Variants in PPFIA1 observed in about 807,000 individuals in gnomAD.
The protein encoded by PPFIA1 is liprin-alpha-1.
A neutral mutation model predicts 149.9 loss-of-function variants in PPFIA1; 25 were observed. The observed-to-expected ratio is 0.17, with a 90% CI of 0.12 to 0.23. The LOEUF is 0.23. Among genes scored for constraint, PPFIA1 ranks in the 10% least tolerant of loss-of-function variants. PPFIA1 has a pLI of 1.00. For missense variants in PPFIA1, 1,362 were observed against 1,506.5 expected (o/e 0.90, Z 1.59); for synonymous variants, 549 against 552.8 (o/e 0.99, Z 0.10).
At chr11:70,345,432 A>G (rs139941316) in intron 15 of PPFIA1, among the ~76,000 whole-genome samples, 352 of 152,202 alleles carry the variant, frequency 2.3e-3, no homozygotes, top group Non-Finnish European at 2.8e-3. Flanking sequence ...CACATGGAGC[A>G]TGTTCAGTGT....
rs984382077 is a variant in PPFIA1, at chr11:70,278,631, C to T, written c.264+6195C>T. 2.6e-5 allele frequency among the ~76,000 whole-genome samples: 4 copies of T among 152,144 alleles called. No homozygotes were observed. In the South Asian group the frequency reaches 8.3e-4, roughly 31 times the overall value. ...AATGTTTGTTACTATAACTCTCCAT[C>T]ACAATTAAAATCCAAACAGTTTTTT... On this transcript the variant is annotated intron_variant, in intron 2 of 27. Coordinates refer to ENST00000253925, the MANE Select transcript of PPFIA1 (RefSeq NM_003626.5).
At chr11:70,324,587 C>T (rs1179459029) in intron 3 of PPFIA1, 84 bp downstream of exon 3, 3 of 1,174,502 alleles carry the variant, frequency 2.6e-6, no homozygotes, top group Non-Finnish European at 3.7e-6. Flanking sequence ...AAGGACGACC[C>T]ACTCTGTCTG....
chr11:70,315,736 T>C (rs1487587305), intron 2 of PPFIA1, among the ~76,000 whole-genome samples: 1 of 133,350 alleles, frequency 7.5e-6, no homozygotes, highest in African/African-American at 2.8e-5. Context: ...AAAAATACCA[T>C]CATAACCATT....
At chr11:70,309,379 A>G (rs2053104724) in intron 2 of PPFIA1, among the ~76,000 whole-genome samples, 1 of 152,054 alleles carries the variant, frequency 6.6e-6, no homozygotes, top group Non-Finnish European at 1.5e-5. Flanking sequence ...ATGTCAGTCA[A>G]GCTGGTCTCG....
rs748263753 is a variant in PPFIA1 at position 70,348,320 on chromosome 11, C to T, written c.2063C>T (p.Ser688Leu). Residue 688 changes from serine (S) to leucine (L), a missense_variant, in exon 16 of 28, where the codon TCG (serine) becomes TTG (leucine). By Grantham distance (145) the Ser-to-Leu change is moderately radical. This residue lies in a region of PPFIA1 where 733 missense variants were observed against 744.1 expected (regional missense o/e 0.99). Transcript: ENST00000253925. Reference sequence around the variant, plus strand: ...TCCATTCCCCCCTACCCTGCTTCCTCGCTTGCTAGCTCCTCCCCTCCGGGC... The same window carrying T: ...TCCATTCCCCCCTACCCTGCTTCCTTGCTTGCTAGCTCCTCCCCTCCGGGC... The part of the protein sequence containing the change: ...MSSIPPYPAS[S>L]LASSSPPGSG... The T allele has an allele frequency of 3.0e-5, 48 of 1,614,070 alleles. No individual in the cohort carries two copies. The highest frequency in any genetic ancestry group is 3.7e-5 in the Non-Finnish European group (44 of 1,180,028).
chr11:70,339,477 G>GTTTTGA (rs2055180977), intron 14 of PPFIA1, among the ~76,000 whole-genome samples, 171 bp downstream of exon 14: 1 of 152,058 alleles, frequency 6.6e-6, no homozygotes, highest in African/African-American at 2.4e-5. Context: ...TTAAAATAGG[G>GTTTTGA]TTTTGTTTTT....
chr11:70,338,541 T>A, intron 13 of PPFIA1, 88 bp downstream of exon 13: 1 of 1,073,270 alleles, frequency 9.3e-7, no homozygotes, highest in Non-Finnish European at 1.4e-6. Context: ...TGGATGTGGC[T>A]AATGGTGTGA....
intron 26 of PPFIA1, among the ~76,000 whole-genome samples, chr11:70,381,502 C>G (rs1045886977): frequency 2.6e-5 from 4 of 152,204 alleles, no homozygotes; most frequent in Non-Finnish European, 5.9e-5. Flanking sequence ...GGCCAACGCC[C>G]CACCCCTGCA....
chr11:70,285,858 C>T (rs1481753231), intron 2 of PPFIA1, among the ~76,000 whole-genome samples: 1 of 151,948 alleles, frequency 6.6e-6, no homozygotes, highest in Non-Finnish European at 1.5e-5. Flanking sequence ...TGGCATGCAC[C>T]GTTCTAGGTG....
intron 2 of PPFIA1, among the ~76,000 whole-genome samples, chr11:70,296,466 G>A (rs953862122): frequency 1.1e-4 from 17 of 152,248 alleles, no homozygotes; most frequent in African/African-American, 3.9e-4. Context: ...GACCACTCGC[G>A]GTTAGGAGCT....
chr11:70,368,816 C>CT (rs2057085824), intron 21 of PPFIA1, among the ~76,000 whole-genome samples: 1 of 152,142 alleles, frequency 6.6e-6, no homozygotes. Context: ...AATTTTATTT[C>CT]TTTTGCAATT....
At chr11:70,382,660 C>T (rs1436078859) in intron 27 of PPFIA1, among the ~76,000 whole-genome samples, 3 of 152,234 alleles carry the variant, frequency 2.0e-5, no homozygotes, top group Non-Finnish European at 4.4e-5. Flanking sequence ...GTTCTTAAAA[C>T]TGCGGACTCT....
intron 2 of PPFIA1, among the ~76,000 whole-genome samples, chr11:70,281,916 T>A (rs1049999628): frequency 1.3e-5 from 2 of 152,248 alleles, no homozygotes; most frequent in Non-Finnish European, 2.9e-5. Context: ...AAACTGGAGC[T>A]GAAGCGGGCG....
intron 23 of PPFIA1, 185 bp from the exon 24 acceptor site, chr11:70,374,733 C>T (rs952062938): frequency 7.3e-6 from 4 of 548,350 alleles, no homozygotes; most frequent in Non-Finnish European, 1.3e-5. Flanking sequence ...GAGAGTGGAG[C>T]AGGGCCAGGA....
intron 2 of PPFIA1, among the ~76,000 whole-genome samples, chr11:70,302,690 A>G (rs2052566313): frequency 2.0e-5 from 3 of 151,944 alleles, no homozygotes; most frequent in Admixed American, 2.0e-4. Context: ...CTCGAACACT[A>G]GAGTGTTGTG....
At chr11:70,348,453 C>A in intron 16 of PPFIA1, 33 bp downstream of exon 16, 1 of 1,492,302 alleles carries the variant, frequency 6.7e-7, no homozygotes, top group Non-Finnish European at 9.3e-7. Flanking sequence ...CTGTGGCTGC[C>A]CTCAGCATAC....
At position 70,375,043 on chromosome 11, in the gene PPFIA1, G is replaced by A. The variant is rs747502376; in HGVS notation, c.3265G>A (p.Asp1089Asn). Residue 1089 changes from aspartate (D) to asparagine (N), a missense_variant, in exon 24 of 28, where the codon GAC becomes AAC. Coordinates refer to ENST00000253925, the MANE Select transcript of PPFIA1 (RefSeq NM_003626.5). ...GALLALDETF[D>N]FSALALLLQI... ...ACTTCTGGCCTTAGATGAAACCTTC[G>A]ACTTCAGTGCACTGGCACTGCTGTT... The A allele has an allele frequency of 2.5e-6, 4 of 1,613,636 alleles. No individual in the cohort carries two copies. Among genetic ancestry groups the A allele is most frequent in the Admixed American group, 1.7e-5 (1 of 59,872 alleles).
At chr11:70,357,822 C>T (rs1029747039) in intron 19 of PPFIA1, among the ~76,000 whole-genome samples, 2 of 152,082 alleles carry the variant, frequency 1.3e-5, no homozygotes, top group East Asian at 3.9e-4. Flanking sequence ...CTCCTGACCT[C>T]GTGATCTGCC....
At chr11:70,335,736 C>T in intron 11 of PPFIA1, 42 bp downstream of exon 11, 1 of 1,608,844 alleles carries the variant, frequency 6.2e-7, no homozygotes, top group Non-Finnish European at 8.5e-7. Context: ...TTCCCACCCT[C>T]TGCCAAAAGA....
Sources: allele counts gnomAD v4.1 joint callset (sites outside exome capture counted in the v4.1 genomes callset), GRCh38; gene constraint gnomAD v4.1.1; regional missense constraint gnomAD v4.1.1; transcripts MANE v1.5; gene names NCBI Gene and HGNC (gene_info 2026-07-23, HGNC 2026-07-21).